Variants in XKR9 observed in about 807,000 individuals in gnomAD.
The protein encoded by XKR9 is XK related 9, also known as XK-related protein 9.
A neutral mutation model predicts 32.0 loss-of-function variants in XKR9; 32 were observed. The ratio of observed to expected loss-of-function variants is 1.00; its 90% CI spans 0.76 to 1.34. The LOEUF is 1.34. Among genes scored for constraint, XKR9 ranks in the 40% most tolerant of loss-of-function variants. XKR9 has a pLI of 0.00. For missense variants in XKR9, 546 were observed against 429.7 expected, an observed-to-expected ratio of 1.27 and a Z score of -2.39; for synonymous variants, 168 against 143.4, an observed-to-expected ratio of 1.17 and a Z score of -1.22.
the XKR9 span, among the ~76,000 whole-genome samples, chr8:71,001,922 C>T: frequency 6.6e-6 from 1 of 152,120 alleles, no homozygotes; most frequent in Non-Finnish European, 1.5e-5. Flanking sequence ...AGGTAAAACT[C>T]TCAGCAGTTT....
chr8:70,707,005 A>G lies in XKR9; in HGVS notation c.345A>G (p.Glu115=). The G allele has an allele frequency of 6.2e-7, 1 of 1,613,416 alleles. No homozygotes were observed. Among genetic ancestry groups the G allele is most frequent in the Non-Finnish European group, 8.5e-7 (1 of 1,179,486 alleles). The change falls in exon 4 of 5, where the codon GAA becomes GAG. Residue 115 remains glutamate, a synonymous_variant. Coordinates refer to ENST00000408926, the MANE Select transcript of XKR9 (RefSeq NM_001011720.2). Reference sequence around the variant, plus strand: ...ACAGCAATACTAGTAACTTCGTGGAAGAACAAATTGATCTACATAAAGAAG... The same window carrying G: ...ACAGCAATACTAGTAACTTCGTGGAGGAACAAATTGATCTACATAAAGAAG... ...KYDSNTSNFV[E]EQIDLHKEVI... is the part of the protein sequence containing the mutation.
At chr8:70,916,362 C>A in the XKR9 span, among the ~76,000 whole-genome samples, 1 of 152,162 alleles carries the variant, frequency 6.6e-6, no homozygotes, top group South Asian at 2.1e-4. Context: ...TTTTCCTTGG[C>A]CCCTGCACAT....
chr8:70,859,802 A>G, the XKR9 span, among the ~76,000 whole-genome samples: 229 of 152,212 alleles, frequency 1.5e-3, 1 homozygote, highest in African/African-American at 5.2e-3. Flanking sequence ...ATGGAGGTAG[A>G]TAGTAGAATG....
the XKR9 span, among the ~76,000 whole-genome samples, chr8:70,888,440 C>A: frequency 6.3e-4 from 96 of 151,986 alleles, no homozygotes; most frequent in African/African-American, 2.2e-3. Flanking sequence ...CTTTGCTGTG[C>A]AGACACTTTT....
intron 3 of XKR9, among the ~76,000 whole-genome samples, chr8:70,689,467 ATGTATATATATGTATTTTT>A (rs1819432837): frequency 6.7e-6 from 1 of 148,156 alleles, no homozygotes; most frequent in Non-Finnish European, 1.5e-5. Context: ...TATGTATTTT[ATGTATATATATGTATTTTT>A]TATATATATG....
the XKR9 span, among the ~76,000 whole-genome samples, chr8:70,960,040 G>A: frequency 6.6e-6 from 1 of 152,278 alleles, no homozygotes; most frequent in Admixed American, 6.5e-5. Flanking sequence ...GACCAGCCTG[G>A]CCAACATGGA....
chr8:70,754,323 A>G lies in XKR9; in HGVS notation n.353-35016A>G, dbSNP rs1807186509. On this transcript the variant is annotated intron_variant and non_coding_transcript_variant, in intron 2 of 3. Transcript: ENST00000520273. Reference sequence around the variant, plus strand: ...ATGGATAGGAAGAATCAATATCGTGAAAATGGCCATACTGCCCAAGGTAAT... The same window carrying G: ...ATGGATAGGAAGAATCAATATCGTGGAAATGGCCATACTGCCCAAGGTAAT... 2.1e-5 allele frequency among the ~76,000 whole-genome samples: 3 copies of G among 144,306 alleles called. No individual in the cohort carries two copies. In the South Asian group the frequency reaches 6.8e-4, roughly 33 times the overall value. 94.7% of individuals were successfully genotyped at this position (144,306 alleles called of 152,430 possible).
At chr8:71,040,532 C>T in the XKR9 span, among the ~76,000 whole-genome samples, 1 of 152,124 alleles carries the variant, frequency 6.6e-6, no homozygotes, top group African/African-American at 2.4e-5. Context: ...TCTTCTAGAG[C>T]TTCTTGGGCT....
In XKR9 at chr8:70,686,334, C is replaced by T. The variant is rs531027601; in HGVS notation, c.272+5004C>T. Among the ~76,000 whole-genome samples the T allele has an allele frequency of 6.6e-5, 10 of 150,838 alleles. No homozygotes were observed. In the East Asian group the frequency reaches 2.0e-3, roughly 29 times the overall value. ...ACAGGTAACTGCAACCTCTAACTCC[C>T]TGGGCTCAGGTGATCCTCCCACTTC... is the stretch of plus-strand genomic sequence containing the variant. On this transcript the variant is annotated intron_variant, in intron 3 of 4. Transcript: ENST00000408926.
downstream of XKR9, among the ~76,000 whole-genome samples, chr8:70,739,453 T>A (rs954331488): frequency 6.6e-6 from 1 of 152,224 alleles, no homozygotes; most frequent in Non-Finnish European, 1.5e-5. Flanking sequence ...AACTGGAGCA[T>A]TTAGTCCATT....
At chr8:70,767,875 G>A (rs1013311706) in intron 2 of XKR9, among the ~76,000 whole-genome samples, 1 of 152,066 alleles carries the variant, frequency 6.6e-6, no homozygotes, top group Admixed American at 6.6e-5. Flanking sequence ...CAAAAATCCA[G>A]CTCTTGGATT....
At chr8:70,674,161 C>T (rs1188709213) in intron 1 of XKR9, among the ~76,000 whole-genome samples, 4 of 151,980 alleles carry the variant, frequency 2.6e-5, no homozygotes, top group Admixed American at 2.6e-4. Context: ...GGAGCAAGAC[C>T]TTGTCTCTTA....
the XKR9 span, among the ~76,000 whole-genome samples, chr8:71,048,345 G>A: frequency 2.6e-5 from 4 of 152,074 alleles, no homozygotes; most frequent in Non-Finnish European, 5.9e-5. Context: ...TTAGAGCTGA[G>A]CCTCCCTTAG....
At chr8:71,050,296 TATATATAG>T in the XKR9 span, among the ~76,000 whole-genome samples, 11 of 132,360 alleles carry the variant, frequency 8.3e-5, no homozygotes, top group Non-Finnish European at 1.5e-4. Flanking sequence ...GATATAGATA[TATATATAG>T]ATATAGATAT....
At chr8:70,917,398 T>C in the XKR9 span, among the ~76,000 whole-genome samples, 29 of 152,344 alleles carry the variant, frequency 1.9e-4, no homozygotes, top group African/African-American at 7.0e-4. Flanking sequence ...AGGTCCCTTA[T>C]CTGTTTTGTT....
chr8:71,060,354 C>T, the XKR9 span, among the ~76,000 whole-genome samples: 2 of 152,160 alleles, frequency 1.3e-5, no homozygotes. Context: ...TTTTAGGGAG[C>T]GTTACCTCCA....
chr8:70,919,610 C>T, the XKR9 span, among the ~76,000 whole-genome samples: 1,849 of 152,258 alleles, frequency 0.012, 43 homozygotes, highest in African/African-American at 0.042. Flanking sequence ...TCATCTTTCC[C>T]TTCAATTTCT....
At chr8:70,783,297 G>A (rs1807641242) in intron 2 of XKR9, among the ~76,000 whole-genome samples, 1 of 151,638 alleles carries the variant, frequency 6.6e-6, no homozygotes, top group Non-Finnish European at 1.5e-5. Context: ...CATGATCTTG[G>A]CTCACTGCAA....
intron 4 of XKR9, among the ~76,000 whole-genome samples, chr8:70,710,627 C>G (rs2132187670): frequency 6.6e-6 from 1 of 152,202 alleles, no homozygotes; most frequent in Middle Eastern, 3.4e-3. Flanking sequence ...CGCTTGAACC[C>G]AGGAAGGCGG....
Sources: allele counts gnomAD v4.1 joint callset (sites outside exome capture counted in the v4.1 genomes callset), GRCh38; gene constraint gnomAD v4.1.1; transcripts MANE v1.5; gene names NCBI Gene and HGNC (gene_info 2026-07-23, HGNC 2026-07-21).